The following PDSS1 variants were observed in gnomAD, a reference collection of about 807,000 sequenced individuals.
PDSS1 encodes all trans-polyprenyl-diphosphate synthase PDSS1.
PDSS1 carries 43 observed loss-of-function variants against 57.5 expected under a neutral mutation model. The ratio of observed to expected loss-of-function variants is 0.75; its 90% CI spans 0.59 to 0.96. PDSS1 has a LOEUF of 0.96. Ranked by LOEUF, PDSS1 falls within the 50% of genes least tolerant of loss-of-function variation. PDSS1 has a pLI of 0.00. For synonymous variants in PDSS1, 175 were observed against 191.3 expected (o/e 0.91, Z 0.70); for missense variants, 438 against 527.8 (o/e 0.83, Z 1.67).
At position 26,697,773 on chromosome 10, in the gene PDSS1, C is replaced by G. The variant is rs547509698; in HGVS notation, c.62C>G (p.Pro21Arg). Residue 21 changes from proline to arginine, a missense_variant, in exon 1 of 12, where the codon CCC (proline) becomes CGC (arginine). By Grantham distance (103) the Pro-to-Arg change is moderately radical. Around this residue, in one of 2 missense-constraint regions of PDSS1, gnomAD observed 154 missense variants for 137.0 expected, o/e 1.12. Transcript: ENST00000376215. ...GCSWKPAARS[P>R]GPGSPGRAGP... ...TCCTGGAAGCCGGCGGCGCGGAGCC[C>G]CGGGCCCGGCTCCCCCGGCCGTGCG... 5 of 1,295,574 alleles carry G rather than the reference C, an allele frequency of 3.9e-6. No individual in the cohort carries two copies. The highest frequency in any genetic ancestry group is 4.9e-6 in the Non-Finnish European group (5 of 1,027,166). The allele number at this position is 1,295,574 out of a possible 1,614,324, so 80.3% of individuals were successfully genotyped here.
intron 4 of PDSS1, among the ~76,000 whole-genome samples, chr10:26,707,260 T>C (rs1472800483): frequency 6.6e-6 from 1 of 152,172 alleles, no homozygotes; most frequent in Non-Finnish European, 1.5e-5. Flanking sequence ...TTTTGCCTCT[T>C]AGTGTGCATG....
rs1179031291 is a variant in PDSS1 at position 26,712,367 on chromosome 10, G to A, written c.467+2599G>A. Among the ~76,000 whole-genome samples the A allele has an allele frequency of 5.0e-5, 5 of 99,872 alleles. 2 individuals are homozygous for A. The highest frequency in any genetic ancestry group is 1.2e-4 in the Non-Finnish European group (5 of 42,850). The allele number at this position is 99,872 out of a possible 152,430, so 65.5% of individuals were successfully genotyped here. ...ATTGTTAGTTGCAGAAAACATAGGA[G>A]AATATAACAAAAGCCATTGCTAGTT... On this transcript the variant is annotated intron_variant, in intron 5 of 11. Coordinates refer to ENST00000376215, the MANE Select transcript of PDSS1 (RefSeq NM_014317.5).
chr10:26,708,253 G>A (rs972574008), intron 4 of PDSS1, among the ~76,000 whole-genome samples: 3 of 152,248 alleles, frequency 2.0e-5, no homozygotes, highest in Non-Finnish European at 1.5e-5. Context: ...CCTGTGCCGA[G>A]CTGAGGTTCA....
intron 2 of PDSS1, among the ~76,000 whole-genome samples, chr10:26,702,666 T>C (rs1420847608): frequency 1.3e-5 from 2 of 152,110 alleles, no homozygotes; most frequent in Admixed American, 1.3e-4. Context: ...TTTATAGCAA[T>C]GTGAAAACAT....
chr10:26,707,611 C>A (rs1340878435), intron 4 of PDSS1, among the ~76,000 whole-genome samples: 1 of 152,180 alleles, frequency 6.6e-6, no homozygotes, highest in African/African-American at 2.4e-5. Context: ...GGCTTTTCTT[C>A]GGTTCATCAC....
chr10:26,738,679 C>T (rs182454675), intron 10 of PDSS1, among the ~76,000 whole-genome samples: 25 of 152,302 alleles, frequency 1.6e-4, no homozygotes, highest in Admixed American at 1.6e-3. Context: ...TGGACCAGGA[C>T]AAGCATTCTT....
intron 4 of PDSS1, among the ~76,000 whole-genome samples, chr10:26,709,245 T>A (rs1262945709): frequency 6.6e-6 from 1 of 152,180 alleles, no homozygotes; most frequent in Non-Finnish European, 1.5e-5. Context: ...TGAATACACT[T>A]AAATTAAACC....
chr10:26,717,236 A>G (rs1254192119), intron 5 of PDSS1, among the ~76,000 whole-genome samples: 1 of 151,962 alleles, frequency 6.6e-6, no homozygotes, highest in South Asian at 2.1e-4. Flanking sequence ...TATTCTATTT[A>G]TTTATTTATT....
chr10:26,703,343 T>C (rs1835103199), intron 2 of PDSS1, among the ~76,000 whole-genome samples: 1 of 36,734 alleles, frequency 2.7e-5, no homozygotes, highest in Non-Finnish European at 9.0e-5. Context: ...AGTTAGTTAT[T>C]ATAACTAATC....
chr10:26,744,875 C>T (rs566675573), intron 11 of PDSS1, among the ~76,000 whole-genome samples: 3 of 152,060 alleles, frequency 2.0e-5, no homozygotes, highest in Non-Finnish European at 4.4e-5. Flanking sequence ...TTCTAAATGT[C>T]AGAGGGGTCC....
intron 10 of PDSS1, among the ~76,000 whole-genome samples, chr10:26,738,703 T>C (rs1183967376): frequency 6.6e-6 from 1 of 152,230 alleles, no homozygotes. Context: ...AAACCACCTT[T>C]TCCTTTTTAA....
chr10:26,742,987 C>T (rs540778167), intron 11 of PDSS1, among the ~76,000 whole-genome samples: 4 of 152,228 alleles, frequency 2.6e-5, no homozygotes, highest in Non-Finnish European at 5.9e-5. Flanking sequence ...CGGGCTGCTG[C>T]TGGACTGCTG....
At chr10:26,700,341 C>T (rs770764718) in intron 1 of PDSS1, among the ~76,000 whole-genome samples, 9 of 149,052 alleles carry the variant, frequency 6.0e-5, no homozygotes, top group Non-Finnish European at 7.4e-5. Flanking sequence ...TGGTGGCTCA[C>T]GCCTGTAATC....
At chr10:26,721,704 T>C (rs74967077) in intron 6 of PDSS1, among the ~76,000 whole-genome samples, 3,200 of 152,316 alleles carry the variant, frequency 0.021, 111 homozygotes, top group African/African-American at 0.072. Flanking sequence ...TTTTCAGGCA[T>C]AGCCAGTCCT....
chr10:26,714,347 A>C (rs1242803373), intron 5 of PDSS1, among the ~76,000 whole-genome samples: 1 of 151,818 alleles, frequency 6.6e-6, no homozygotes, highest in Non-Finnish European at 1.5e-5. Context: ...GGTGACACAC[A>C]CCTATAAATC....
intron 5 of PDSS1, among the ~76,000 whole-genome samples, chr10:26,716,364 A>G (rs11015245): frequency 0.39 from 59,143 of 152,132 alleles, 12,049 homozygotes; most frequent in East Asian, 0.57. Flanking sequence ...ATATTATTCT[A>G]TCTATTTTTA....
chr10:26,733,956 A>G (rs1836301797), intron 8 of PDSS1, among the ~76,000 whole-genome samples: 3 of 152,218 alleles, frequency 2.0e-5, no homozygotes, highest in Non-Finnish European at 4.4e-5. Flanking sequence ...CCTGGGCAAC[A>G]GAGTGAGACC....
At chr10:26,705,231 T>C (rs1835170914) in intron 3 of PDSS1, 55 bp from the exon 4 acceptor site, 8 of 923,566 alleles carry the variant, frequency 8.7e-6, no homozygotes, top group South Asian at 3.9e-5. Flanking sequence ...ACTAAATATA[T>C]ATGTATATAA....
intron 6 of PDSS1, among the ~76,000 whole-genome samples, chr10:26,721,439 C>G (rs1835781859): frequency 6.6e-6 from 1 of 151,944 alleles, no homozygotes; most frequent in African/African-American, 2.4e-5. Flanking sequence ...CACACACACA[C>G]ACACACACAC....
Sources: gnomAD v4.1 joint callset for allele counts (sites outside exome capture counted in the v4.1 genomes callset) on GRCh38, gnomAD v4.1.1 for gene constraint, gnomAD v4.1.1 regional missense constraint, MANE v1.5 for transcripts, NCBI Gene and HGNC (gene_info 2026-07-23, HGNC 2026-07-21) for gene names.